Variants in TBC1D24 observed in about 807,000 individuals in gnomAD.
TBC1D24 encodes Infantile myoclonic epilepsy.
A neutral mutation model predicts 50.7 loss-of-function variants in TBC1D24; 47 were observed. The observed-to-expected ratio is 0.93, with a 90% CI of 0.73 to 1.18. The LOEUF is 1.18. Ranked by LOEUF, TBC1D24 falls within the 50% of genes most tolerant of loss-of-function variation. The probability of loss-of-function intolerance (pLI) is 0.00; values close to 1 mark genes in which losing one functional copy is unlikely to be tolerated. For missense variants in TBC1D24, 688 were observed against 766.5 expected, an observed-to-expected ratio of 0.90 and a Z score of 1.21; for synonymous variants, 324 against 335.2, an observed-to-expected ratio of 0.97 and a Z score of 0.36.
In TBC1D24 at chr16:2,475,928, G is replaced by A. The variant is rs2065564533; in HGVS notation, c.-116+758G>A. 6.6e-6 allele frequency among the ~76,000 whole-genome samples: 1 copy of A among 152,248 alleles called. No individual in the cohort carries two copies. The highest frequency in any genetic ancestry group is 1.5e-5 in the Non-Finnish European group (1 of 68,050). ...CTGTGGCCCCCGGGTTACTGCTTGC[G>A]GGGGTGATATTAAAGGTCAAAGGTT... is the stretch of plus-strand genomic sequence containing the variant. On this transcript the variant is annotated intron_variant, in intron 1 of 7. Transcript: ENST00000646147. This position sits in a 1 kb window ranked among gnomAD's most constrained non-coding sequence, Gnocchi z 4.2.
chr16:2,489,737 C>T (rs147457205), intron 1 of TBC1D24, among the ~76,000 whole-genome samples: 85 of 152,330 alleles, frequency 5.6e-4, no homozygotes, highest in African/African-American at 1.9e-3. Context: ...CGTGATGTCC[C>T]AGGCATTCTA....
chr16:2,476,298 C>G (rs1053377624), intron 1 of TBC1D24, among the ~76,000 whole-genome samples: 2 of 152,040 alleles, frequency 1.3e-5, no homozygotes, highest in African/African-American at 2.4e-5. Flanking sequence ...TTCCTCCGCC[C>G]GAGGGCCAGG....
intron 4 of TBC1D24, among the ~76,000 whole-genome samples, 172 bp downstream of exon 4, chr16:2,498,568 C>T (rs1274031604): frequency 6.6e-6 from 1 of 152,256 alleles, no homozygotes; most frequent in East Asian, 1.9e-4. Context: ...ACCACCCAGA[C>T]TTTGGGGGTC....
chr16:2,493,083 A>G (rs552266789), intron 1 of TBC1D24, among the ~76,000 whole-genome samples: 1 of 151,904 alleles, frequency 6.6e-6, no homozygotes, highest in African/African-American at 2.4e-5. Flanking sequence ...ACAGTGCGGC[A>G]CTCTGTCTCA....
In TBC1D24 at chr16:2,475,678, C is replaced by T. The variant is rs2065561784; in HGVS notation, c.-116+508C>T. Among the ~76,000 whole-genome samples, 4 of 152,054 alleles carry T rather than the reference C, an allele frequency of 2.6e-5. No individual in the cohort carries two copies. Among genetic ancestry groups the T allele is most frequent in the African/African-American group, 2.4e-5 (1 of 41,422 alleles). ...CGCTTGGGGGTCCGCCAGCCCCCGG[C>T]CCTGTCCAGTGGGGGGCCCCTCTGG... On this transcript the variant is annotated intron_variant, in intron 1 of 7. Coordinates refer to ENST00000646147, the MANE Select transcript of TBC1D24 (RefSeq NM_001199107.2). This position sits in a 1 kb window ranked among gnomAD's most constrained non-coding sequence, Gnocchi z 4.2.
At position 2,497,036 on chromosome 16, in the gene TBC1D24, C is replaced by T; in HGVS notation, c.888C>T (p.Ser296=). 6.2e-7 allele frequency: 1 copy of T among 1,613,468 alleles called. No individual in the cohort carries two copies. The highest frequency in any genetic ancestry group is 8.5e-7 in the Non-Finnish European group (1 of 1,180,038). Residue 296 remains serine (S), a synonymous_variant, in exon 2 of 8, where the codon TCC becomes TCT. Coordinates refer to ENST00000646147, the MANE Select transcript of TBC1D24 (RefSeq NM_001199107.2). The stretch of plus-strand genomic sequence containing the variant: ...AAGCGTTCGCCATCCGCCTCTTCTC[C>T]CGCAAGGAGATCCAGCTCCTGCAGA... ...LEKAFAIRLF[S]RKEIQLLQMA... is the part of the protein sequence containing the mutation.
intron 1 of TBC1D24, among the ~76,000 whole-genome samples, chr16:2,492,480 A>G (rs2065703437): frequency 1.3e-5 from 2 of 152,162 alleles, no homozygotes; most frequent in African/African-American, 4.8e-5. Flanking sequence ...TCTGTTTAGA[A>G]ACATGTTTAT....
chr16:2,493,507 C>G (rs879874458), intron 1 of TBC1D24: 1 of 152,184 alleles, frequency 6.6e-6, no homozygotes, highest in Non-Finnish European at 1.5e-5. Flanking sequence ...GGTGTTTTCC[C>G]AAGACAGTGT....
intron 1 of TBC1D24, among the ~76,000 whole-genome samples, chr16:2,490,446 C>T (rs1257414675): frequency 3.3e-5 from 5 of 152,168 alleles, no homozygotes; most frequent in Admixed American, 6.5e-5. Flanking sequence ...AGCAGCGATT[C>T]GCTCGGACCC....
chr16:2,501,021 G>T lies in TBC1D24; in HGVS notation c.*63G>T. On this transcript the variant is annotated 3_prime_UTR_variant, in exon 8 of 8. Coordinates refer to ENST00000646147, the MANE Select transcript of TBC1D24 (RefSeq NM_001199107.2). ...TGGGCCGAGGCTGGGCTGCCGCCTC[G>T]GGCAGCAGAGAGCAGATGAAACCCC... 6.3e-7 allele frequency: 1 copy of T among 1,591,028 alleles called. No homozygotes were observed.
At chr16:2,497,265 A>G in intron 2 of TBC1D24, 152 bp downstream of exon 2, 1 of 1,067,766 alleles carries the variant, frequency 9.4e-7, no homozygotes, top group Non-Finnish European at 1.4e-6. Context: ...CTGAAACAGG[A>G]AGGGCCTTCC....
chr16:2,500,559 G>A lies in TBC1D24; in HGVS notation c.1525+69G>A, dbSNP rs1424885899. 8.1e-6 allele frequency: 12 copies of A among 1,478,568 alleles called. No individual in the cohort carries two copies. The highest frequency in any genetic ancestry group is 1.1e-5 in the Non-Finnish European group (12 of 1,098,298). The allele number at this position is 1,478,568 out of a possible 1,614,324, so 91.6% of individuals were successfully genotyped here. A position where few individuals can be genotyped will look rare whatever the true frequency, so the allele number is the denominator to read the frequency against. On this transcript the variant is annotated intron_variant, in intron 7 of 7. Transcript: ENST00000646147. The surrounding 1 kb of genome is among the most constrained non-coding windows in gnomAD (Gnocchi z 8.0). ...CGGGCAGCTGAAGCTGCTGCACCCAGCCCTCCCTGACCGGGGTGGCAGAGA... is the reference window on the plus strand; with the variant it reads ...CGGGCAGCTGAAGCTGCTGCACCCAACCCTCCCTGACCGGGGTGGCAGAGA...
intron 1 of TBC1D24, among the ~76,000 whole-genome samples, chr16:2,489,217 G>A (rs977513881): frequency 6.6e-6 from 1 of 151,918 alleles, no homozygotes; most frequent in African/African-American, 2.4e-5. Context: ...GGATCACGAG[G>A]TCAGGAGTTC....
intron 1 of TBC1D24, among the ~76,000 whole-genome samples, chr16:2,476,215 C>T (rs2065566958): frequency 6.6e-6 from 1 of 152,216 alleles, no homozygotes; most frequent in Non-Finnish European, 1.5e-5. Flanking sequence ...TTCCTCCACC[C>T]GAGGTCCAGG....
intron 1 of TBC1D24, chr16:2,478,945 A>C (rs2065589925): frequency 6.8e-6 from 1 of 146,364 alleles, no homozygotes; most frequent in African/African-American, 2.6e-5. Context: ...AGTACAATGG[A>C]GGGATCATGA....
intron 1 of TBC1D24, chr16:2,479,731 C>T (rs72768725): frequency 0.026 from 3,902 of 152,386 alleles, 68 homozygotes; most frequent in Non-Finnish European, 0.041. Context: ...CTCACAGGGG[C>T]GCAGGCTTCA....
In TBC1D24 at chr16:2,475,296, T is replaced by C. The variant is rs1437304717; in HGVS notation, c.-116+126T>C. On this transcript the variant is annotated intron_variant, in intron 1 of 7. Transcript: ENST00000646147. The surrounding 1 kb of genome is among the most constrained non-coding windows in gnomAD (Gnocchi z 4.2). ...CGTGGGGGCCGGGCTGCGGGCCCCA[T>C]TCGAGGCGGGGATCCCCGGCCACGC... 1 of 148,710 alleles carries C rather than the reference T, an allele frequency of 6.7e-6. No homozygotes were observed. The highest frequency in any genetic ancestry group is 2.4e-5 in the African/African-American group (1 of 40,872). 9.2% of individuals were successfully genotyped at this position (148,710 alleles called of 1,614,324 possible). A position where few individuals can be genotyped will look rare whatever the true frequency, so the allele number is the denominator to read the frequency against.
Position 2,501,078 on chromosome 16 carries a change from A to G in TBC1D24, c.*120A>G. 7.5e-7 allele frequency: 1 copy of G among 1,333,846 alleles called. No homozygotes were observed. Among genetic ancestry groups the G allele is most frequent in the Non-Finnish European group, 1.0e-6 (1 of 971,138 alleles). 82.6% of individuals were successfully genotyped at this position (1,333,846 alleles called of 1,614,324 possible). Reference sequence around the variant, plus strand: ...GTAGGCAGGGTTGGGGGACGGCAGGACCCCATGGCCAAGCCTGGCGTTGCC... The same window carrying G: ...GTAGGCAGGGTTGGGGGACGGCAGGGCCCCATGGCCAAGCCTGGCGTTGCC... On this transcript the variant is annotated 3_prime_UTR_variant, in exon 8 of 8. Coordinates refer to ENST00000646147, the MANE Select transcript of TBC1D24 (RefSeq NM_001199107.2).
At chr16:2,492,371 G>A (rs559198426) in intron 1 of TBC1D24, among the ~76,000 whole-genome samples, 90 of 152,258 alleles carry the variant, frequency 5.9e-4, no homozygotes, top group African/African-American at 2.1e-3. Context: ...AGGGAACTTC[G>A]CAAGGTGCAC....
Sources: allele counts gnomAD v4.1 joint callset (sites outside exome capture counted in the v4.1 genomes callset), GRCh38; gene constraint gnomAD v4.1.1; non-coding constraint Gnocchi (gnomAD v3.1); transcripts MANE v1.5; gene names NCBI Gene and HGNC (gene_info 2026-07-23, HGNC 2026-07-21).